PBRM1: variants seen among roughly 807,000 people sequenced by gnomAD.
PBRM1 encodes protein polybromo-1.
PBRM1 carries 27 observed loss-of-function variants against 194.5 expected under a neutral mutation model. That is an observed-to-expected ratio of 0.14 (90% CI 0.10 to 0.19). PBRM1 has a LOEUF of 0.19. Among genes scored for constraint, PBRM1 ranks in the 10% least tolerant of loss-of-function variants. The pLI is 1.00. For missense variants in PBRM1, 1,466 were observed against 2,077.2 expected (o/e 0.71, Z 5.72); for synonymous variants, 655 against 693.2 (o/e 0.94, Z 0.87).
intron 2 of PBRM1, among the ~76,000 whole-genome samples, chr3:52,671,614 G>T (rs1698292749): frequency 6.6e-6 from 1 of 152,216 alleles, no homozygotes; most frequent in African/African-American, 2.4e-5. Flanking sequence ...TTTTAAATAA[G>T]ATATGATTGG....
chr3:52,637,773 CAAAAAAA>C lies in PBRM1; in HGVS notation c.1088-2965_1088-2959del, dbSNP rs755241328. The stretch of plus-strand genomic sequence containing the variant: ...CAAAACCATGTCTCTACTAAAAATA[CAAAAAAA>C]AAAAAAAAAAAAAAAAATTAGCCGG... On this transcript the variant is annotated intron_variant, in intron 10 of 29. Transcript: ENST00000296302. 5.0e-4 allele frequency among the ~76,000 whole-genome samples: 21 copies of C among 42,234 alleles called. 1 individual carries two copies. The highest frequency in any genetic ancestry group is 9.7e-4 in the South Asian group (1 of 1,034). 27.7% of individuals were successfully genotyped at this position (42,234 alleles called of 152,430 possible).
intron 3 of PBRM1, among the ~76,000 whole-genome samples, chr3:52,664,412 GAAA>G (rs58727570): frequency 6.9e-5 from 7 of 101,172 alleles, no homozygotes; most frequent in Non-Finnish European, 9.7e-5. Flanking sequence ...TGAAAGAACT[GAAA>G]AAAAAAAAAA....
chr3:52,641,919 A>G, intron 10 of PBRM1, 35 bp downstream of exon 11: 1 of 1,201,674 alleles, frequency 8.3e-7, no homozygotes, highest in South Asian at 1.2e-5. Context: ...GGATCCACTA[A>G]GAAGGCATTT....
At chr3:52,606,727 TAAG>T in intron 16 of PBRM1, among the ~76,000 whole-genome samples, 1 of 152,326 alleles carries the variant, frequency 6.6e-6, no homozygotes, top group Non-Finnish European at 1.5e-5. Context: ...AGGAAATAAT[TAAG>T]AATACAGGAG....
At position 52,564,031 on chromosome 3, in the gene PBRM1, TA is replaced by T. The variant is rs1647789738; in HGVS notation, c.3875+18del. On this transcript the variant is annotated intron_variant, in intron 23 of 29. Transcript: ENST00000296302. ...GTTAATGGAAGTGCTCTTTTTTCCT[TA>T]AGTTTTTCAAGCTTTACCTGAAGTA... The T allele has an allele frequency of 1.3e-6, 2 of 1,578,336 alleles. No individual in the cohort carries two copies. The highest frequency in any genetic ancestry group is 2.7e-5 in the African/African-American group (2 of 73,552).
At chr3:52,574,425 C>A (rs541638306) in intron 22 of PBRM1, among the ~76,000 whole-genome samples, 1 of 152,324 alleles carries the variant, frequency 6.6e-6, no homozygotes, top group Non-Finnish European at 1.5e-5. Flanking sequence ...GGGGCACAAA[C>A]ATTCAAATCA....
intron 3 of PBRM1, among the ~76,000 whole-genome samples, chr3:52,662,824 TAA>T (rs34605756): frequency 1.4e-3 from 179 of 130,676 alleles, no homozygotes; most frequent in Admixed American, 1.6e-3. Flanking sequence ...GACTCTGTCT[TAA>T]AAAAAAAAAA....
chr3:52,631,299 T>A (rs1425502988), intron 11 of PBRM1, among the ~76,000 whole-genome samples: 1 of 150,914 alleles, frequency 6.6e-6, no homozygotes, highest in Non-Finnish European at 1.5e-5. Flanking sequence ...GGCAAAACCC[T>A]TTCTCTATTA....
intron 22 of PBRM1, among the ~76,000 whole-genome samples, chr3:52,569,453 G>A (rs1432559449): frequency 1.3e-5 from 2 of 151,902 alleles, no homozygotes; most frequent in East Asian, 1.9e-4. Flanking sequence ...CTCGTGATCC[G>A]CCCGCCTTGG....
At chr3:52,651,930 A>T in intron 5 of PBRM1, 120 bp from the exon 7 acceptor site, 1 of 643,958 alleles carries the variant, frequency 1.6e-6, no homozygotes, top group Non-Finnish European at 2.7e-6. Context: ...GTGAGATTCA[A>T]GACTAAAGAC....
At chr3:52,660,898 C>T (rs2096709978) in intron 4 of PBRM1, among the ~76,000 whole-genome samples, 1 of 152,118 alleles carries the variant, frequency 6.6e-6, no homozygotes, top group African/African-American at 2.4e-5. Context: ...AGCAAAAGGC[C>T]TATGTAGATA....
At chr3:52,606,139 T>C (rs901962928) in intron 16 of PBRM1, among the ~76,000 whole-genome samples, 6 of 151,940 alleles carry the variant, frequency 3.9e-5, no homozygotes, top group African/African-American at 1.4e-4. Flanking sequence ...GCTGGGACTA[T>C]AGGCATATGT....
chr3:52,585,235 T>C (rs1026297691), intron 20 of PBRM1, among the ~76,000 whole-genome samples: 9 of 152,204 alleles, frequency 5.9e-5, no homozygotes, highest in Non-Finnish European at 1.0e-4. Flanking sequence ...ATCTTGGCTT[T>C]GCAAAACAAA....
intron 9 of PBRM1, among the ~76,000 whole-genome samples, chr3:52,642,673 C>T (rs778820307): frequency 2.7e-5 from 4 of 149,886 alleles, no homozygotes; most frequent in East Asian, 1.9e-4. Context: ...ATTTAAAAAA[C>T]CTATTAGTAT....
intron 15 of PBRM1, 50 bp from the exon 18 acceptor site, chr3:52,610,005 T>G (rs767736456): frequency 3.5e-6 from 4 of 1,158,082 alleles, no homozygotes; most frequent in Non-Finnish European, 4.8e-6. Context: ...GAACCTAAAT[T>G]TGTATACAGA....
At chr3:52,545,709 G>A (rs187105369), downstream of PBRM1, 1,189 of 232,800 alleles carry the variant, frequency 5.1e-3, 12 homozygotes, top group Middle Eastern at 7.6e-3. Flanking sequence ...CAGTCCCCCC[G>A]TTTGCAATAT....
At chr3:52,610,021 G>C in intron 15 of PBRM1, 66 bp from the exon 18 acceptor site, 2 of 969,266 alleles carry the variant, frequency 2.1e-6, no homozygotes. Flanking sequence ...ACAGATGGTA[G>C]CATAACCACA....
intron 13 of PBRM1, 126 bp from the exon 16 acceptor site, chr3:52,617,664 T>C: frequency 1.4e-6 from 1 of 696,802 alleles, no homozygotes; most frequent in Admixed American, 3.2e-5. Flanking sequence ...ATTGATTACA[T>C]ATGCCACAAA....
chr3:52,672,098 G>A (rs1427368410), intron 2 of PBRM1, among the ~76,000 whole-genome samples: 3 of 152,190 alleles, frequency 2.0e-5, no homozygotes, highest in South Asian at 2.1e-4. Context: ...GCTGCATGCC[G>A]TCTGGATGTT....
Sources: allele counts gnomAD v4.1 joint callset (sites outside exome capture counted in the v4.1 genomes callset), GRCh38; gene constraint gnomAD v4.1.1; transcripts MANE v1.5; gene names NCBI Gene and HGNC (gene_info 2026-07-23, HGNC 2026-07-21).